DUX4: variants seen among roughly 807,000 people sequenced by gnomAD.
DUX4 encodes double homeobox 4.
At chr4:190,176,272 G>C (rs1210688365), downstream of DUX4, among the ~76,000 whole-genome samples, 1 of 113,346 alleles carries the variant, frequency 8.8e-6, no homozygotes, top group Non-Finnish European at 2.1e-5. Context: ...TACATCTCCT[G>C]AGTGAGCATT....
chr4:190,177,127 T>A (rs1742343042), downstream of DUX4, among the ~76,000 whole-genome samples: 7,316 of 91,810 alleles, frequency 0.08, no homozygotes, highest in East Asian at 0.17. Context: ...CAATGTCCCC[T>A]GTAGGCAGAG....
downstream of DUX4, among the ~76,000 whole-genome samples, chr4:190,179,438 A>T (rs1579835515): frequency 1.4e-3 from 216 of 150,528 alleles, no homozygotes; most frequent in Middle Eastern, 3.6e-3. Flanking sequence ...GGGATATGTC[A>T]CAAAGCACCC....
chr4:190,179,801 A>AG (rs1742514036), downstream of DUX4, among the ~76,000 whole-genome samples: 1 of 7,402 alleles, frequency 1.4e-4, no homozygotes, highest in Non-Finnish European at 6.3e-4. Context: ...AGGCAAGCCT[A>AG]CACAAGTATT....
At chr4:190,178,885 A>AGATAAG (rs1415331305), downstream of DUX4, among the ~76,000 whole-genome samples, 1 of 99,480 alleles carries the variant, frequency 1.0e-5, no homozygotes, top group Non-Finnish European at 2.1e-5. Flanking sequence ...ATCAGTGCAG[A>AGATAAG]TCTATGTCAC....
chr4:190,178,722 T>G (rs1742446203), downstream of DUX4, among the ~76,000 whole-genome samples: 62 of 144,272 alleles, frequency 4.3e-4, no homozygotes, highest in East Asian at 3.7e-3. Flanking sequence ...TTAGATGAGT[T>G]ACATCACCTG....
chr4:190,177,873 T>TC (rs1579833449), downstream of DUX4, among the ~76,000 whole-genome samples: 61 of 114,754 alleles, frequency 5.3e-4, no homozygotes, highest in East Asian at 7.6e-4. Context: ...TGTCACAATG[T>TC]CCCTGTAGCC....
intron 1 of DUX4, among the ~76,000 whole-genome samples, chr4:190,181,277 T>A (rs1579837098): frequency 0.088 from 5,822 of 65,930 alleles, 6 homozygotes; most frequent in Middle Eastern, 0.14. Flanking sequence ...AGTGCAGAAA[T>A]ATGTGACAAT....
chr4:190,182,445 T>G (rs1333362583), intron 1 of DUX4, among the ~76,000 whole-genome samples: 1 of 27,968 alleles, frequency 3.6e-5, no homozygotes, highest in South Asian at 2.8e-3. Context: ...AGGGTTAGGG[T>G]TAGGGTTATG....
At chr4:190,182,278 G>T (rs1742609271) in intron 1 of DUX4, 21 of 122,112 alleles carry the variant, frequency 1.7e-4, no homozygotes, top group Non-Finnish European at 2.5e-4. Flanking sequence ...TAGGGTTAGG[G>T]TTAGGGGTTA....
At chr4:190,183,854 C>G (rs1364581921) in intron 1 of DUX4, among the ~76,000 whole-genome samples, 1 of 121,576 alleles carries the variant, frequency 8.2e-6, no homozygotes, top group Non-Finnish European at 1.9e-5. Context: ...GGACAAATGT[C>G]TAAGCCTCGT....
downstream of DUX4, among the ~76,000 whole-genome samples, chr4:190,179,454 G>GT (rs1168106691): frequency 6.1e-5 from 3 of 48,864 alleles, no homozygotes; most frequent in Non-Finnish European, 7.7e-5. Context: ...CACCCTGTAA[G>GT]CAGATCCTAG....
intron 1 of DUX4, among the ~76,000 whole-genome samples, chr4:190,183,071 G>T (rs1268289468): frequency 4.2e-4 from 16 of 38,142 alleles, no homozygotes; most frequent in African/African-American, 6.9e-4. Context: ...TTAGGTTTAG[G>T]GTTAGGGTTA....
At chr4:190,176,832 A>G (rs1742324034), downstream of DUX4, among the ~76,000 whole-genome samples, 9 of 129,840 alleles carry the variant, frequency 6.9e-5, no homozygotes, top group East Asian at 2.4e-4. Context: ...ATCAGTGCAT[A>G]GATATGTCAC....
downstream of DUX4, among the ~76,000 whole-genome samples, chr4:190,177,336 G>GTT (rs1742360960): frequency 2.1e-3 from 163 of 78,208 alleles, 10 homozygotes; most frequent in African/African-American, 7.6e-3. Flanking sequence ...AGCCCCTGTA[G>GTT]GCAGAGCCTA....
downstream of DUX4, among the ~76,000 whole-genome samples, chr4:190,180,055 G>GT (rs1742528253): frequency 9.3e-5 from 1 of 10,732 alleles, no homozygotes; most frequent in Non-Finnish European, 2.4e-4. Flanking sequence ...ATGTCACATT[G>GT]CCCCCATAGG....
chr4:190,179,143 G>T (rs1579835123), downstream of DUX4, among the ~76,000 whole-genome samples: 4 of 152,160 alleles, frequency 2.6e-5, no homozygotes, highest in East Asian at 1.9e-4. Flanking sequence ...TATGACCTAG[G>T]TGATCAGTGC....
rs1458547843 is a variant in DUX4 at position 190,175,282 on chromosome 4, C to T, written c.*234C>T. 9,969 of 63,330 alleles carry T rather than the reference C, an allele frequency of 0.16. 1 individual carries two copies. Among genetic ancestry groups the T allele is most frequent in the Non-Finnish European group, 0.21 (5,879 of 28,182 alleles). 3.9% of individuals were successfully genotyped at this position (63,330 alleles called of 1,614,324 possible). On this transcript the variant is annotated splice_region_variant and 3_prime_UTR_variant, in exon 1 of 2. Transcript: ENST00000565211. ...ATCCCAGAGCCGGCCCAGGTACCAGCAGGTGGGCCGCCTACTGCGCACGCG... is the reference window on the plus strand; with the variant it reads ...ATCCCAGAGCCGGCCCAGGTACCAGTAGGTGGGCCGCCTACTGCGCACGCG...
downstream of DUX4, among the ~76,000 whole-genome samples, chr4:190,176,922 G>A (rs1742329907): frequency 1.7e-5 from 2 of 119,886 alleles, no homozygotes; most frequent in Non-Finnish European, 1.9e-5. Flanking sequence ...AAAAATCCCT[G>A]TAGACAGAGC....
At chr4:190,175,483 C>G (rs1232546945) in intron 1 of DUX4, among the ~76,000 whole-genome samples, 164 bp from the exon 2 acceptor site, 5 of 35,544 alleles carry the variant, frequency 1.4e-4, no homozygotes, top group Non-Finnish European at 1.5e-4. Context: ...CACCGGGCCC[C>G]GCGCAGCGTC....
Sources: gnomAD v4.1 joint callset for allele counts (sites outside exome capture counted in the v4.1 genomes callset) on GRCh38, gnomAD v4.1.1 for gene constraint, MANE v1.5 for transcripts, NCBI Gene and HGNC (gene_info 2026-07-23, HGNC 2026-07-21) for gene names.